The following ELMO1 variants were observed in gnomAD, a reference collection of about 807,000 sequenced individuals.
ELMO1 encodes engulfment and cell motility protein 1.
In ELMO1, 26 loss-of-function variants were observed where a neutral mutation model predicts 98.9. That is an observed-to-expected ratio of 0.26 (90% CI 0.19 to 0.36). The LOEUF is 0.36. ELMO1 is among the 10% of genes least tolerant of loss of function. The pLI is 1.00. For synonymous variants in ELMO1, 346 were observed against 346.0 expected (o/e 1.00, Z 0.00); for missense variants, 627 against 935.2 (o/e 0.67, Z 4.30).
chr7:37,141,109 C>T (rs1266105384), intron 13 of ELMO1, among the ~76,000 whole-genome samples: 1 of 152,148 alleles, frequency 6.6e-6, no homozygotes, highest in Non-Finnish European at 1.5e-5. Flanking sequence ...CAATTTGCAA[C>T]TGCAAAAATA....
chr7:37,424,250 C>G (rs955840452), intron 1 of ELMO1, among the ~76,000 whole-genome samples: 20 of 152,348 alleles, frequency 1.3e-4, no homozygotes, highest in African/African-American at 4.8e-4. Context: ...CACTGACCAC[C>G]TGGGCAGCTC....
intron 1 of ELMO1, among the ~76,000 whole-genome samples, chr7:37,354,366 G>A (rs185972662): frequency 1.3e-5 from 2 of 152,172 alleles, no homozygotes; most frequent in East Asian, 3.8e-4. Flanking sequence ...AAAACCTTCC[G>A]GCATTTCTTC....
intron 17 of ELMO1, among the ~76,000 whole-genome samples, chr7:36,891,237 T>C (rs2129053142): frequency 6.6e-6 from 1 of 152,392 alleles, no homozygotes; most frequent in South Asian, 2.1e-4. Context: ...GTAAGAAATA[T>C]GTCTGTTCTC....
chr7:36,880,133 T>C (rs1285078169), intron 18 of ELMO1, among the ~76,000 whole-genome samples: 1 of 152,214 alleles, frequency 6.6e-6, no homozygotes, highest in African/African-American at 2.4e-5. Context: ...TTCCTTTCCT[T>C]GCTGCATCTA....
intron 16 of ELMO1, among the ~76,000 whole-genome samples, chr7:36,925,080 G>A (rs1429729263): frequency 2.0e-5 from 3 of 152,180 alleles, no homozygotes; most frequent in South Asian, 4.1e-4. Flanking sequence ...AGGACAGACC[G>A]CCAACCAGGA....
chr7:37,295,022 C>A (rs1305145960), intron 4 of ELMO1, among the ~76,000 whole-genome samples: 1 of 151,128 alleles, frequency 6.6e-6, no homozygotes, highest in African/African-American at 2.4e-5. Flanking sequence ...AAATTCATCT[C>A]AAAAATATTA....
Position 36,867,307 on chromosome 7 carries a change from G to T in ELMO1, c.1905+3086C>A, listed in dbSNP as rs143585524. 1.1e-3 allele frequency among the ~76,000 whole-genome samples: 163 copies of T among 152,206 alleles called. 1 individual carries two copies. In the East Asian group the frequency reaches 0.028, roughly 26 times the overall value. On this transcript the variant is annotated intron_variant, in intron 20 of 21. Coordinates refer to ENST00000310758, the MANE Select transcript of ELMO1 (RefSeq NM_014800.11). ...TCATTTACTCGGTTTTACTTTTTTAGTCTCCTTTAAGGAGAGAGGAGTCTG... is the reference window on the plus strand; with the variant it reads ...TCATTTACTCGGTTTTACTTTTTTATTCTCCTTTAAGGAGAGAGGAGTCTG...
In ELMO1 at chr7:37,062,065, G is replaced by C. The variant is rs1258225908; in HGVS notation, c.1300+34554C>G. 4.6e-5 allele frequency among the ~76,000 whole-genome samples: 7 copies of C among 152,214 alleles called. No homozygotes were observed. The East Asian group carries it at 1.4e-3, about 29-fold the overall frequency. On this transcript the variant is annotated intron_variant, in intron 15 of 21. Transcript: ENST00000310758. ...GCAGCATCCTGTAATTACCCCTAAA[G>C]GCCATTTGATTTGATAATATATTCA...
At chr7:37,390,770 T>C (rs1803034766) in intron 1 of ELMO1, among the ~76,000 whole-genome samples, 1 of 152,200 alleles carries the variant, frequency 6.6e-6, no homozygotes, top group Non-Finnish European at 1.5e-5. Flanking sequence ...CCCCATGCTA[T>C]TGCTTCTATC....
At chr7:37,429,826 T>C (rs1258047870) in intron 1 of ELMO1, 1 of 152,250 alleles carries the variant, frequency 6.6e-6, no homozygotes, top group Non-Finnish European at 1.5e-5. Context: ...AAGAGGGACA[T>C]AGAAGATATT....
chr7:37,339,557 A>C (rs1401324538), intron 2 of ELMO1, among the ~76,000 whole-genome samples: 1 of 152,252 alleles, frequency 6.6e-6, no homozygotes, highest in African/African-American at 2.4e-5. Flanking sequence ...AACAAGGTAG[A>C]AGATTAGGAG....
chr7:37,094,730 A>G (rs1311983271), intron 15 of ELMO1, among the ~76,000 whole-genome samples: 1 of 152,202 alleles, frequency 6.6e-6, no homozygotes, highest in Non-Finnish European at 1.5e-5. Flanking sequence ...CTGCAATTTC[A>G]GCCAGAAAAT....
chr7:36,924,288 G>C (rs183431939), intron 16 of ELMO1, among the ~76,000 whole-genome samples: 15 of 152,284 alleles, frequency 9.9e-5, no homozygotes, highest in South Asian at 2.1e-4. Flanking sequence ...CTGGGTGCGA[G>C]AGGTTTGCAA....
chr7:37,159,708 T>A (rs10441088), intron 13 of ELMO1, among the ~76,000 whole-genome samples: 32,317 of 151,440 alleles, frequency 0.21, 3,520 homozygotes, highest in Middle Eastern at 0.41. Flanking sequence ...CAAAAAATAA[T>A]AATAATAATA....
At chr7:37,019,445 C>T (rs548889007) in intron 15 of ELMO1, among the ~76,000 whole-genome samples, 1 of 152,332 alleles carries the variant, frequency 6.6e-6, no homozygotes, top group East Asian at 1.9e-4. Context: ...GTGACTAAGA[C>T]AGCAAGCTCA....
At chr7:36,896,516 G>A (rs1029812433) in intron 16 of ELMO1, among the ~76,000 whole-genome samples, 1 of 152,202 alleles carries the variant, frequency 6.6e-6, no homozygotes, top group Non-Finnish European at 1.5e-5. Context: ...CATGGGAATG[G>A]AAATAGACAG....
At chr7:37,303,547 T>G (rs1175366375) in intron 4 of ELMO1, among the ~76,000 whole-genome samples, 1 of 152,198 alleles carries the variant, frequency 6.6e-6, no homozygotes, top group African/African-American at 2.4e-5. Flanking sequence ...ATTATAAGAA[T>G]CACAGAGCCA....
rs541998518 is a variant in ELMO1, at chr7:36,970,175, C to T, written c.1437+43124G>A. Among the ~76,000 whole-genome samples, 24 of 134,302 alleles carry T rather than the reference C, an allele frequency of 1.8e-4. No individual in the cohort carries two copies. The East Asian group carries it at 3.3e-3, about 19-fold the overall frequency. The allele number at this position is 134,302 out of a possible 152,430, so 88.1% of individuals were successfully genotyped here. ...AAACACACACACAAATACATTCATACACTTAACACACACACACACACACAC... is the reference window on the plus strand; with the variant it reads ...AAACACACACACAAATACATTCATATACTTAACACACACACACACACACAC... On this transcript the variant is annotated intron_variant, in intron 16 of 21. Transcript: ENST00000310758.
At chr7:37,174,450 GGCATT>G (rs1790385744) in intron 13 of ELMO1, among the ~76,000 whole-genome samples, 1 of 152,168 alleles carries the variant, frequency 6.6e-6, no homozygotes, top group African/African-American at 2.4e-5. Context: ...AGCCGACGCA[GGCATT>G]GTGCCTAAAG....
Sources: allele counts gnomAD v4.1 joint callset (sites outside exome capture counted in the v4.1 genomes callset), GRCh38; gene constraint gnomAD v4.1.1; transcripts MANE v1.5; gene names NCBI Gene and HGNC (gene_info 2026-07-23, HGNC 2026-07-21).